Variants in POU2F1 observed in about 807,000 individuals in gnomAD.
POU2F1 encodes the protein POU class 2 homeobox 1.
In POU2F1, 16 loss-of-function variants were observed where a neutral mutation model predicts 84.9. The observed-to-expected ratio is 0.19, with a 90% CI of 0.13 to 0.29. POU2F1 has a LOEUF of 0.29. Ranked by LOEUF, POU2F1 falls within the 10% of genes least tolerant of loss-of-function variation. POU2F1 has a pLI of 1.00. For synonymous variants in POU2F1, 368 were observed against 368.3 expected (o/e 1.00, Z 0.01); for missense variants, 738 against 942.6 (o/e 0.78, Z 2.84).
intron 1 of POU2F1, among the ~76,000 whole-genome samples, chr1:167,241,149 A>C (rs1210058252): frequency 6.6e-6 from 1 of 152,142 alleles, no homozygotes; most frequent in Non-Finnish European, 1.5e-5. Context: ...TCTAAAAATA[A>C]ATAAATAAAT....
At chr1:167,295,374 T>G (rs1303453338) in intron 1 of POU2F1, among the ~76,000 whole-genome samples, 1 of 152,210 alleles carries the variant, frequency 6.6e-6, no homozygotes, top group East Asian at 1.9e-4. Context: ...TAATGTCTTT[T>G]GCAGCAACTT....
chr1:167,415,353 GTGTT>G (rs967594389), intron 15 of POU2F1, 143 bp from the exon 16 acceptor site: 7 of 793,480 alleles, frequency 8.8e-6, no homozygotes, highest in African/African-American at 3.5e-5. Context: ...ATATAGCACT[GTGTT>G]TGAGGAAAAA....
At chr1:167,345,923 C>T (rs1658162760) in intron 2 of POU2F1, among the ~76,000 whole-genome samples, 1 of 149,666 alleles carries the variant, frequency 6.7e-6, no homozygotes, top group African/African-American at 2.5e-5. Flanking sequence ...CACTTTGGGA[C>T]ATCAAGGCAT....
chr1:167,403,168 T>A (rs1649326287), intron 13 of POU2F1, among the ~76,000 whole-genome samples: 1 of 150,914 alleles, frequency 6.6e-6, no homozygotes, highest in Non-Finnish European at 1.5e-5. Context: ...CTGGAGTGAA[T>A]TTTTTTTAAT....
rs1195786564 is a variant in POU2F1, at chr1:167,365,459, C to T, written c.128-8C>T. 2.6e-6 allele frequency: 4 copies of T among 1,551,058 alleles called. No individual in the cohort carries two copies. In the East Asian group the frequency reaches 9.6e-5, roughly 37 times the overall value. The stretch of plus-strand genomic sequence containing the variant: ...TTAATAGTTGAAATTATTTTGCTTG[C>T]TTTCTAGGCACACAAACCAATGGTC... On this transcript the variant is annotated splice_polypyrimidine_tract_variant and splice_region_variant and intron_variant, in intron 2 of 15. Transcript: ENST00000367866.
intron 6 of POU2F1, 75 bp from the exon 7 acceptor site, chr1:167,375,954 T>A: frequency 1.3e-6 from 2 of 1,529,030 alleles, no homozygotes; most frequent in Admixed American, 1.7e-5. Context: ...ACAGAAGTCA[T>A]CAGCTGGAAG....
chr1:167,255,210 G>A (rs564478710), intron 1 of POU2F1, among the ~76,000 whole-genome samples: 11 of 152,328 alleles, frequency 7.2e-5, no homozygotes, highest in Non-Finnish European at 1.5e-4. Flanking sequence ...CATAGATGCT[G>A]TAAGAGAAAC....
At chr1:167,238,087 A>G (rs1189215800) in intron 1 of POU2F1, among the ~76,000 whole-genome samples, 2 of 151,826 alleles carry the variant, frequency 1.3e-5, no homozygotes, top group African/African-American at 2.4e-5. Context: ...CAGCCCATAT[A>G]TTCTTAATTT....
chr1:167,384,959 A>G (rs1260022984), intron 8 of POU2F1, among the ~76,000 whole-genome samples: 1 of 152,128 alleles, frequency 6.6e-6, no homozygotes, highest in African/African-American at 2.4e-5. Flanking sequence ...GAAAATCTTA[A>G]GGAATCTACC....
intron 1 of POU2F1, among the ~76,000 whole-genome samples, chr1:167,234,935 A>T (rs1009665937): frequency 6.6e-6 from 1 of 152,250 alleles, no homozygotes; most frequent in Admixed American, 6.5e-5. Flanking sequence ...TAAAATTAAT[A>T]TGCAAGCAAA....
intron 13 of POU2F1, among the ~76,000 whole-genome samples, chr1:167,402,748 C>T (rs1374387408): frequency 6.6e-6 from 1 of 152,132 alleles, no homozygotes; most frequent in Non-Finnish European, 1.5e-5. Flanking sequence ...TAATATTGAG[C>T]ACTTCCACTT....
intron 13 of POU2F1, 54 bp downstream of exon 13, chr1:167,401,610 G>T: frequency 8.2e-7 from 1 of 1,226,140 alleles, no homozygotes; most frequent in Non-Finnish European, 1.1e-6. Flanking sequence ...CCCGTTTTGG[G>T]TTATTATAAG....
intron 7 of POU2F1, 173 bp from the exon 8 acceptor site, chr1:167,383,684 G>A: frequency 3.5e-6 from 2 of 564,388 alleles, no homozygotes; most frequent in East Asian, 3.1e-5. Context: ...TCTCTTCCAA[G>A]TTGTAAAACA....
intron 1 of POU2F1, among the ~76,000 whole-genome samples, chr1:167,242,968 C>T (rs1227100846): frequency 6.6e-6 from 1 of 151,948 alleles, no homozygotes; most frequent in Non-Finnish European, 1.5e-5. Flanking sequence ...CCCCCGCTTT[C>T]TTTCTTATTT....
At chr1:167,266,193 A>T (rs375003702) in intron 1 of POU2F1, among the ~76,000 whole-genome samples, 2 of 152,220 alleles carry the variant, frequency 1.3e-5, no homozygotes, top group East Asian at 3.8e-4. Flanking sequence ...TGTTACATAG[A>T]TGAACACATG....
intron 1 of POU2F1, among the ~76,000 whole-genome samples, chr1:167,272,547 T>A (rs1302024436): frequency 6.6e-6 from 1 of 152,046 alleles, no homozygotes; most frequent in African/African-American, 2.4e-5. Context: ...CTCAAGAAAC[T>A]TAGAATCATG....
At chr1:167,293,970 A>G (rs564914755) in intron 1 of POU2F1, among the ~76,000 whole-genome samples, 3 of 152,232 alleles carry the variant, frequency 2.0e-5, no homozygotes, top group African/African-American at 7.2e-5. Flanking sequence ...AGATGGATCA[A>G]AGACTTAAAT....
At chr1:167,379,505 G>GA (rs1647354902) in intron 7 of POU2F1, 1 of 152,194 alleles carries the variant, frequency 6.6e-6, no homozygotes. Context: ...TAGGGTCAGA[G>GA]AAAATATATA....
intron 1 of POU2F1, among the ~76,000 whole-genome samples, chr1:167,295,506 A>G (rs1654233240): frequency 6.6e-6 from 1 of 152,220 alleles, no homozygotes; most frequent in Non-Finnish European, 1.5e-5. Context: ...CAGTGATATA[A>G]TAGACATAGG....
Sources: gnomAD v4.1 joint callset for allele counts (sites outside exome capture counted in the v4.1 genomes callset) on GRCh38, gnomAD v4.1.1 for gene constraint, MANE v1.5 for transcripts, NCBI Gene and HGNC (gene_info 2026-07-23, HGNC 2026-07-21) for gene names.